The following GABBR2 variants were observed in gnomAD, a reference collection of about 807,000 sequenced individuals.
The protein encoded by GABBR2 is G-protein coupled receptor 51.
A neutral mutation model predicts 105.6 loss-of-function variants in GABBR2; 23 were observed. That is an observed-to-expected ratio of 0.22 (90% confidence interval 0.16 to 0.31). The LOEUF (loss-of-function observed/expected upper bound fraction) is 0.31, where lower values mean the gene tolerates loss of function less well. Among genes scored for constraint, GABBR2 ranks in the 10% least tolerant of loss-of-function variants. The probability of loss-of-function intolerance (pLI) is 1.00; values close to 1 mark genes in which losing one functional copy is unlikely to be tolerated. For synonymous variants in GABBR2, 478 were observed against 499.7 expected, an observed-to-expected ratio of 0.96 and a Z score of 0.58; for missense variants, 734 against 1,245.5, an observed-to-expected ratio of 0.59 and a Z score of 6.18.
chr9:98,611,250 G>A (rs116923243), intron 1 of GABBR2, among the ~76,000 whole-genome samples: 1,979 of 152,266 alleles, frequency 0.013, 15 homozygotes, highest in Non-Finnish European at 0.022. Context: ...CATGGCCGCT[G>A]CCATTTCCAC....
chr9:98,630,974 G>A (rs1829809366), intron 1 of GABBR2, among the ~76,000 whole-genome samples: 1 of 152,106 alleles, frequency 6.6e-6, no homozygotes, highest in Non-Finnish European at 1.5e-5. Context: ...GTGGCTGGTG[G>A]CTACCATTTG....
At chr9:98,329,843 C>T (rs1830992162) in intron 13 of GABBR2, among the ~76,000 whole-genome samples, 1 of 151,988 alleles carries the variant, frequency 6.6e-6, no homozygotes, top group Admixed American at 6.6e-5. Context: ...CATCTCTCCT[C>T]TCCTCTCCTT....
intron 2 of GABBR2, among the ~76,000 whole-genome samples, chr9:98,543,748 T>C (rs1828351000): frequency 6.6e-6 from 1 of 152,256 alleles, no homozygotes; most frequent in South Asian, 2.1e-4. Context: ...TAGTCTTCCT[T>C]ATCAGTTTAT....
chr9:98,565,789 T>C (rs1224105946), intron 2 of GABBR2, among the ~76,000 whole-genome samples: 1 of 152,216 alleles, frequency 6.6e-6, no homozygotes, highest in East Asian at 1.9e-4. Context: ...CACCAGAGCC[T>C]GGATGTGAAC....
chr9:98,602,983 T>C (rs1829362918), intron 1 of GABBR2, among the ~76,000 whole-genome samples: 1 of 152,174 alleles, frequency 6.6e-6, no homozygotes, highest in Non-Finnish European at 1.5e-5. Flanking sequence ...AGTGATTCCT[T>C]ATCTAGCTGT....
At chr9:98,586,803 AT>A (rs1829083975) in intron 1 of GABBR2, among the ~76,000 whole-genome samples, 1 of 152,182 alleles carries the variant, frequency 6.6e-6, no homozygotes, top group South Asian at 2.1e-4. Context: ...GCTGTGTAAT[AT>A]GCCATTGTGT....
At chr9:98,640,145 T>TATAA (rs1418562080) in intron 1 of GABBR2, among the ~76,000 whole-genome samples, 2,705 of 145,172 alleles carry the variant, frequency 0.019, 32 homozygotes, top group Non-Finnish European at 0.031. Flanking sequence ...TATATATATA[T>TATAA]AAACAATCTG....
Position 98,313,814 on chromosome 9 carries a change from C to T in GABBR2, c.1894-2609G>A, listed in dbSNP as rs144552978. On this transcript the variant is annotated intron_variant, in intron 13 of 18. Transcript: ENST00000259455. The stretch of plus-strand genomic sequence containing the variant: ...TAGAAGGCAGGTCTTAGACGGGTAG[C>T]GTTTAGAAACTAGTTTTTTGGTCTT... Among the ~76,000 whole-genome samples the T allele has an allele frequency of 4.7e-3, 712 of 152,236 alleles. 4 individuals carry two copies. Among genetic ancestry groups the T allele is most frequent in the South Asian group, 8.9e-3 (43 of 4,816 alleles).
intron 1 of GABBR2, among the ~76,000 whole-genome samples, chr9:98,645,174 A>G (rs137862183): frequency 1.3e-5 from 2 of 152,262 alleles, no homozygotes; most frequent in Non-Finnish European, 2.9e-5. Flanking sequence ...TGTAATTTGT[A>G]TGTGAGTGTT....
At chr9:98,607,235 T>C (rs1205244943) in intron 1 of GABBR2, 1 of 1,412,170 alleles carries the variant, frequency 7.1e-7, no homozygotes, top group African/African-American at 1.4e-5. Context: ...ACTACATTGA[T>C]AATAAACTTG....
At position 98,303,890 on chromosome 9, in the gene GABBR2, T is replaced by C. The variant is rs148108362; in HGVS notation, c.2230-467A>G. On this transcript the variant is annotated intron_variant, in intron 15 of 18. Coordinates refer to ENST00000259455, the MANE Select transcript of GABBR2 (RefSeq NM_005458.8). ...CTCTGTCACTGACAAAAGCTTGTTT[T>C]TTAGCAGCTTAAAACAACACATGGT... Among the ~76,000 whole-genome samples, 564 of 152,372 alleles carry C rather than the reference T, an allele frequency of 3.7e-3. 2 individuals are homozygous for C. Among genetic ancestry groups the C allele is most frequent in the African/African-American group, 0.012 (512 of 41,588 alleles).
intron 1 of GABBR2, among the ~76,000 whole-genome samples, chr9:98,630,284 G>T (rs1015803056): frequency 2.0e-5 from 3 of 152,164 alleles, no homozygotes; most frequent in African/African-American, 7.2e-5. Flanking sequence ...TAGTCTTTCT[G>T]GGCCTTAATT....
intron 7 of GABBR2, among the ~76,000 whole-genome samples, chr9:98,448,090 A>G (rs1458728128): frequency 6.6e-6 from 1 of 152,080 alleles, no homozygotes; most frequent in African/African-American, 2.4e-5. Context: ...AGGTTACACT[A>G]GGATGTCCAG....
In GABBR2 at chr9:98,290,636, G is replaced by T; in HGVS notation, c.2774C>A (p.Pro925His). Residue 925 changes from proline to histidine, a missense_variant, in exon 19 of 19, where the codon CCC becomes CAC. Around this residue, in one of 7 missense-constraint regions of GABBR2, gnomAD observed 134 missense variants for 171.2 expected, o/e 0.78. Coordinates refer to ENST00000259455, the MANE Select transcript of GABBR2 (RefSeq NM_005458.8). ...VSPCVSPTASPRHRHVPPSFR... is the reference protein window; with the variant it reads ...VSPCVSPTASHRHRHVPPSFR... The stretch of plus-strand genomic sequence containing the variant: ...GGAGGGTGGCACATGTCTGTGGCGG[G>T]GGCTGGCGGTGGGGCTGACGCAGGG... 1.4e-6 allele frequency: 2 copies of T among 1,451,012 alleles called. No homozygotes were observed. Among genetic ancestry groups the T allele is most frequent in the Non-Finnish European group, 1.8e-6 (2 of 1,105,652 alleles). 89.9% of individuals were successfully genotyped at this position (1,451,012 alleles called of 1,614,324 possible).
chr9:98,579,136 A>G (rs551318765), intron 1 of GABBR2, among the ~76,000 whole-genome samples: 1 of 152,330 alleles, frequency 6.6e-6, no homozygotes, highest in East Asian at 1.9e-4. Context: ...TATTTTTACC[A>G]CAGTCTTAAA....
intron 2 of GABBR2, among the ~76,000 whole-genome samples, chr9:98,564,230 G>A (rs899308086): frequency 2.0e-5 from 3 of 152,172 alleles, no homozygotes; most frequent in Non-Finnish European, 2.9e-5. Context: ...GCAGAGACCC[G>A]GAGTCTGGAG....
chr9:98,303,218 C>A (rs774652188), intron 16 of GABBR2, 23 bp downstream of exon 16: 3 of 1,606,080 alleles, frequency 1.9e-6, no homozygotes, highest in East Asian at 4.5e-5. Context: ...CAGGGCCCAG[C>A]TACCAGATGC....
intron 1 of GABBR2, among the ~76,000 whole-genome samples, chr9:98,614,124 C>T (rs1374440439): frequency 6.6e-6 from 1 of 152,142 alleles, no homozygotes; most frequent in African/African-American, 2.4e-5. Context: ...GATATAACCA[C>T]ATCAGCAGAG....
Position 98,610,916 on chromosome 9 carries a change from C to T in GABBR2, c.322-32844G>A, listed in dbSNP as rs571725041. Among the ~76,000 whole-genome samples the T allele has an allele frequency of 2.6e-5, 4 of 152,180 alleles. No individual in the cohort carries two copies. In the East Asian group the frequency reaches 5.8e-4, roughly 22 times the overall value. On this transcript the variant is annotated intron_variant, in intron 1 of 18. Coordinates refer to ENST00000259455, the MANE Select transcript of GABBR2 (RefSeq NM_005458.8). ...CTGAGGCAGGAGAATTGCTTGAGCCCGGGAGGCAAAGGTTGAGTGAGCAGA... is the reference window on the plus strand; with the variant it reads ...CTGAGGCAGGAGAATTGCTTGAGCCTGGGAGGCAAAGGTTGAGTGAGCAGA...
Sources: gnomAD v4.1 joint callset for allele counts (sites outside exome capture counted in the v4.1 genomes callset) on GRCh38, gnomAD v4.1.1 for gene constraint, gnomAD v4.1.1 regional missense constraint, MANE v1.5 for transcripts, NCBI Gene and HGNC (gene_info 2026-07-23, HGNC 2026-07-21) for gene names.